Variants in PHF21A observed in about 807,000 individuals in gnomAD.
PHF21A encodes the protein PHD finger protein 21A.
A neutral mutation model predicts 82.5 loss-of-function variants in PHF21A; 11 were observed. The ratio of observed to expected loss-of-function variants is 0.13; its 90% confidence interval spans 0.08 to 0.22. The LOEUF (loss-of-function observed/expected upper bound fraction) is 0.22. PHF21A is among the 10% of genes least tolerant of loss of function. The pLI is 1.00. For synonymous variants in PHF21A, 297 were observed against 302.8 expected, an observed-to-expected ratio of 0.98 and a Z score of 0.20; for missense variants, 579 against 837.8, an observed-to-expected ratio of 0.69 and a Z score of 3.81.
In PHF21A at chr11:46,019,700, G is replaced by A. The variant is rs188099159; in HGVS notation, c.154-39734C>T. On this transcript the variant is annotated intron_variant, in intron 6 of 18. Coordinates refer to ENST00000676320, the MANE Select transcript of PHF21A (RefSeq NM_001352027.3). The stretch of plus-strand genomic sequence containing the variant: ...CCAATCTTAGCAATGAAATTTAGTC[G>A]TATTAGTCTCCGGTTAGATTTAACT... Among the ~76,000 whole-genome samples the A allele has an allele frequency of 5.3e-5, 8 of 152,252 alleles. No homozygotes were observed. In the South Asian group the frequency reaches 6.2e-4, roughly 12 times the overall value.
chr11:45,975,062 C>G (rs1370131221), intron 7 of PHF21A, among the ~76,000 whole-genome samples: 1 of 152,028 alleles, frequency 6.6e-6, no homozygotes, highest in African/African-American at 2.4e-5. Context: ...GCCTATAATC[C>G]CAGCACTTTG....
chr11:46,056,748 TAAAA>T (rs1352913162), intron 6 of PHF21A, among the ~76,000 whole-genome samples: 1 of 152,148 alleles, frequency 6.6e-6, no homozygotes, highest in African/African-American at 2.4e-5. Context: ...TGCTGCTGCT[TAAAA>T]GACCCTTAGA....
intron 6 of PHF21A, among the ~76,000 whole-genome samples, chr11:46,069,298 T>C (rs2096629681): frequency 6.6e-6 from 1 of 152,138 alleles, no homozygotes; most frequent in African/African-American, 2.4e-5. Flanking sequence ...CAACAAACAA[T>C]TGGACCAATG....
chr11:46,033,254 CTGTTGTTGTTAGTATTAT>C (rs543805706), intron 6 of PHF21A, among the ~76,000 whole-genome samples: 1 of 152,164 alleles, frequency 6.6e-6, no homozygotes, highest in Admixed American at 6.5e-5. Flanking sequence ...ATTCCATTTT[CTGTTGTTGTTAGTATTAT>C]TGTTGTTGTT....
intron 6 of PHF21A, among the ~76,000 whole-genome samples, chr11:46,022,474 A>G (rs2095650645): frequency 6.6e-6 from 1 of 151,984 alleles, no homozygotes; most frequent in African/African-American, 2.4e-5. Flanking sequence ...AAGAAAAAGA[A>G]ACAAAAAGAC....
At chr11:46,107,986 C>G (rs1464395818) in intron 1 of PHF21A, among the ~76,000 whole-genome samples, 1 of 152,082 alleles carries the variant, frequency 6.6e-6, no homozygotes, top group Non-Finnish European at 1.5e-5. Flanking sequence ...AGGACTAATT[C>G]CTATGTAGGG....
chr11:45,951,200 C>CA (rs1315747959), intron 11 of PHF21A, among the ~76,000 whole-genome samples: 6 of 152,156 alleles, frequency 3.9e-5, no homozygotes, highest in African/African-American at 1.4e-4. Context: ...AATACATTAT[C>CA]AATTTATTTC....
rs191288602 is a variant in PHF21A, at chr11:46,105,390, T to C, written c.-236-13167A>G. Among the ~76,000 whole-genome samples the C allele has an allele frequency of 1.4e-3, 212 of 152,288 alleles. 1 individual carries two copies. The highest frequency in any genetic ancestry group is 3.4e-3 in the Middle Eastern group (1 of 294). Reference sequence around the variant, plus strand: ...TTTACAGGCACACAGGACATGCCCCTGATGATTAGATCACTGCACGACTCA... The same window carrying C: ...TTTACAGGCACACAGGACATGCCCCCGATGATTAGATCACTGCACGACTCA... On this transcript the variant is annotated intron_variant, in intron 1 of 18. Transcript: ENST00000676320.
intron 1 of PHF21A, among the ~76,000 whole-genome samples, chr11:46,102,883 A>G (rs1447974532): frequency 6.6e-6 from 1 of 152,228 alleles, no homozygotes; most frequent in Non-Finnish European, 1.5e-5. Context: ...TAATAATTAC[A>G]ACAGTGTTTT....
At chr11:46,052,806 C>T (rs1490438684) in intron 6 of PHF21A, among the ~76,000 whole-genome samples, 1 of 152,172 alleles carries the variant, frequency 6.6e-6, no homozygotes, top group African/African-American at 2.4e-5. Context: ...AAGCCTTTTC[C>T]ACCTTCTTGG....
intron 6 of PHF21A, among the ~76,000 whole-genome samples, chr11:46,071,032 T>C (rs2096651239): frequency 6.6e-6 from 1 of 152,244 alleles, no homozygotes; most frequent in African/African-American, 2.4e-5. Flanking sequence ...GTTTTTTTTA[T>C]ACTTTTAGAC....
At chr11:46,031,522 G>T (rs1177728652) in intron 6 of PHF21A, among the ~76,000 whole-genome samples, 2 of 152,122 alleles carry the variant, frequency 1.3e-5, no homozygotes, top group Non-Finnish European at 2.9e-5. Flanking sequence ...TGAGGTGAGG[G>T]TCTGGCAGGA....
chr11:46,032,596 G>A (rs1389103301), intron 6 of PHF21A, among the ~76,000 whole-genome samples: 2 of 151,932 alleles, frequency 1.3e-5, no homozygotes, highest in Non-Finnish European at 2.9e-5. Context: ...TCATGCTGCT[G>A]GGTTAAAGGG....
chr11:45,984,949 T>C (rs1554339), intron 6 of PHF21A, among the ~76,000 whole-genome samples: 133,885 of 152,248 alleles, frequency 0.88, 59,089 homozygotes, highest in East Asian at 1. Flanking sequence ...AACATGCAAT[T>C]TAAAAATACA....
intron 6 of PHF21A, among the ~76,000 whole-genome samples, chr11:46,004,906 GA>G (rs2095256052): frequency 1.3e-5 from 2 of 151,984 alleles, no homozygotes; most frequent in Admixed American, 1.3e-4. Context: ...CTACCCTCAA[GA>G]AAAAACACAG....
chr11:46,047,672 C>T (rs2096277083), intron 6 of PHF21A, among the ~76,000 whole-genome samples: 1 of 152,190 alleles, frequency 6.6e-6, no homozygotes, highest in Non-Finnish European at 1.5e-5. Flanking sequence ...GACAAGAAGG[C>T]AGTGACTAAC....
intron 10 of PHF21A, 58 bp from the exon 11 acceptor site, chr11:45,953,683 C>G (rs934465534): frequency 9.3e-7 from 1 of 1,073,526 alleles, no homozygotes; most frequent in African/African-American, 1.6e-5. Flanking sequence ...AAGGATGAAG[C>G]AATCAGAAGT....
chr11:45,935,518 C>G, intron 18 of PHF21A, 118 bp downstream of exon 18: 1 of 718,514 alleles, frequency 1.4e-6, no homozygotes. Context: ...AAGTTAATCA[C>G]GTTAATAAAC....
In PHF21A at chr11:45,971,220, T is replaced by C. The variant is rs1244912776; in HGVS notation, c.508A>G (p.Ser170Gly). ...TAINSQKAVLSTDVQNTPVNL... is the reference protein window; with the variant it reads ...TAINSQKAVLGTDVQNTPVNL... ...ACTGGTGTGTTCTGCACATCAGTGCTGAGCACAGCCTTCTGACTGTTGATG... is the reference window on the plus strand; with the variant it reads ...ACTGGTGTGTTCTGCACATCAGTGCCGAGCACAGCCTTCTGACTGTTGATG... Residue 170 changes from serine (S) to glycine (G), a missense_variant, in exon 8 of 19, where the codon AGC becomes GGC. Ser to Gly is a moderately conservative substitution (Grantham distance 56, BLOSUM62 0). This residue lies in a region of PHF21A where 410 missense variants were observed against 642.1 expected (regional missense o/e 0.64). Coordinates refer to ENST00000676320, the MANE Select transcript of PHF21A (RefSeq NM_001352027.3). 1 of 1,614,198 alleles carries C rather than the reference T, an allele frequency of 6.2e-7. No homozygotes were observed. Among genetic ancestry groups the C allele is most frequent in the African/African-American group, 1.3e-5 (1 of 75,046 alleles).
Sources: allele counts gnomAD v4.1 joint callset (sites outside exome capture counted in the v4.1 genomes callset), GRCh38; gene constraint gnomAD v4.1.1; regional missense constraint gnomAD v4.1.1; transcripts MANE v1.5; gene names NCBI Gene and HGNC (gene_info 2026-07-23, HGNC 2026-07-21).